Variants in CACNA1B observed in about 807,000 individuals in gnomAD.
CACNA1B encodes the protein voltage-dependent N-type calcium channel subunit alpha-1B.
Under a neutral mutation model 247.2 loss-of-function variants are expected in CACNA1B, and 70 were observed. That is an observed-to-expected ratio of 0.28 (90% CI 0.23 to 0.35). The LOEUF (loss-of-function observed/expected upper bound fraction) is 0.35. CACNA1B is among the 10% of genes least tolerant of loss of function. The pLI is 1.00. For synonymous variants in CACNA1B, 1,231 were observed against 1,294.4 expected, an observed-to-expected ratio of 0.95 and a Z score of 1.05; for missense variants, 2,367 against 3,197.4, an observed-to-expected ratio of 0.74 and a Z score of 6.26.
rs772640747 is a variant in CACNA1B at position 137,986,823 on chromosome 9, C to A, written c.1943C>A (p.Thr648Asn). 6 of 1,613,814 alleles carry A rather than the reference C, an allele frequency of 3.7e-6. No homozygotes were observed. Among genetic ancestry groups the A allele is most frequent in the Non-Finnish European group, 8.5e-7 (1 of 1,179,820 alleles). The part of the protein sequence containing the change: ...QDETPTTNFD[T>N]FPAAILTVFQ... ...GAGACTCCCACAACCAACTTCGACACCTTCCCTGCCGCCATCCTCACTGTC... is the reference window on the plus strand; with the variant it reads ...GAGACTCCCACAACCAACTTCGACAACTTCCCTGCCGCCATCCTCACTGTC... Residue 648 changes from threonine (T) to asparagine (N), a missense_variant, in exon 15 of 47, where the codon ACC becomes AAC. By Grantham distance (65) the Thr-to-Asn change is moderately conservative (BLOSUM62 0). This residue lies in a region of CACNA1B where 76 missense variants were observed against 191.0 expected (regional missense o/e 0.40). Coordinates refer to ENST00000371372, the MANE Select transcript of CACNA1B (RefSeq NM_000718.4). This position sits in a 1 kb window ranked among gnomAD's most constrained non-coding sequence, Gnocchi z 6.0.
At position 138,054,499 on chromosome 9, in the gene CACNA1B, G is replaced by A. The variant is rs1959420370; in HGVS notation, c.3968+493G>A. 6.6e-6 allele frequency among the ~76,000 whole-genome samples: 1 copy of A among 152,212 alleles called. No homozygotes were observed. Among genetic ancestry groups the A allele is most frequent in the Non-Finnish European group, 1.5e-5 (1 of 68,038 alleles). ...GGGAAAGCTGGTTAGCTGCCTGTGT[G>A]GACCCCGGGCAAGGCAGTACCCACA... On this transcript the variant is annotated intron_variant, in intron 26 of 46. Transcript: ENST00000371372. This position sits in a 1 kb window ranked among gnomAD's most constrained non-coding sequence, Gnocchi z 4.6.
chr9:138,117,416 A>G (rs1961911918), intron 42 of CACNA1B, among the ~76,000 whole-genome samples: 1 of 151,876 alleles, frequency 6.6e-6, no homozygotes, highest in African/African-American at 2.4e-5. Context: ...CCCCTCCATG[A>G]CAGCTTTGCC....
intron 21 of CACNA1B, among the ~76,000 whole-genome samples, chr9:138,044,288 C>A (rs1271299753): frequency 6.6e-6 from 1 of 152,256 alleles, no homozygotes; most frequent in Admixed American, 6.5e-5. Context: ...ATCCGTGTGT[C>A]CACGCCTGTG....
At chr9:137,924,339 T>C (rs1348475536) in intron 6 of CACNA1B, among the ~76,000 whole-genome samples, 2 of 146,266 alleles carry the variant, frequency 1.4e-5, no homozygotes, top group African/African-American at 5.0e-5. Context: ...CTCCCTTCCT[T>C]CCTCCTTCCC....
chr9:137,914,558 C>A lies in CACNA1B; in HGVS notation c.623-96C>A. 1 of 1,004,976 alleles carries A rather than the reference C, an allele frequency of 1.0e-6. No homozygotes were observed. Among genetic ancestry groups the A allele is most frequent in the Non-Finnish European group, 1.5e-6 (1 of 664,992 alleles). 62.3% of individuals were successfully genotyped at this position (1,004,976 alleles called of 1,614,324 possible). ...CACTCACTGCTTAGCACCTTGCTGT[C>A]CCTGCTAGGTTCCTGCTGTTCTGTC... On this transcript the variant is annotated intron_variant, in intron 4 of 46. Transcript: ENST00000371372. This position sits in a 1 kb window ranked among gnomAD's most constrained non-coding sequence, Gnocchi z 4.3.
At chr9:138,060,962 G>C (rs1417801524) in intron 31 of CACNA1B, among the ~76,000 whole-genome samples, 4 of 152,136 alleles carry the variant, frequency 2.6e-5, no homozygotes, top group Non-Finnish European at 5.9e-5. Flanking sequence ...GCCTTCTGCT[G>C]CACTGGTTGC....
intron 5 of CACNA1B, among the ~76,000 whole-genome samples, chr9:137,916,607 G>A (rs1249515729): frequency 6.6e-6 from 1 of 152,262 alleles, no homozygotes; most frequent in African/African-American, 2.4e-5. Context: ...CTGCCTGACA[G>A]GCACCAGACT....
rs1367275397 is a variant in CACNA1B at position 137,986,106 on chromosome 9, A to C, written c.1770-307A>C. On this transcript the variant is annotated intron_variant, in intron 13 of 46. Transcript: ENST00000371372. The surrounding 1 kb of genome is among the most constrained non-coding windows in gnomAD (Gnocchi z 6.0). ...AGGGGCAGGGAGGGGCCGAGGATGA[A>C]GTTTGGGATTGGGCCTGGCCACCTG... Among the ~76,000 whole-genome samples the C allele has an allele frequency of 6.6e-6, 1 of 151,982 alleles. No individual in the cohort carries two copies. The highest frequency in any genetic ancestry group is 1.5e-5 in the Non-Finnish European group (1 of 67,978).
rs1957869738 is a variant in CACNA1B at position 137,950,854 on chromosome 9, T to G, written c.967-1420T>G. Among the ~76,000 whole-genome samples, 2 of 152,242 alleles carry G rather than the reference T, an allele frequency of 1.3e-5. No homozygotes were observed. Among genetic ancestry groups the G allele is most frequent in the South Asian group, 4.1e-4 (2 of 4,832 alleles). ...TCTATATTTGCTTTATGAATAATTT[T>G]CAGTATGTTAATTCCACCTAGTGGG... On this transcript the variant is annotated intron_variant, in intron 6 of 46. Coordinates refer to ENST00000371372, the MANE Select transcript of CACNA1B (RefSeq NM_000718.4). This position sits in a 1 kb window ranked among gnomAD's most constrained non-coding sequence, Gnocchi z 4.8.
In CACNA1B at chr9:138,072,474, G is replaced by A. The variant is rs561373608; in HGVS notation, c.4675-1014G>A. Among the ~76,000 whole-genome samples the A allele has an allele frequency of 2.6e-5, 4 of 152,354 alleles. No homozygotes were observed. The highest frequency in any genetic ancestry group is 2.1e-4 in the South Asian group (1 of 4,828). On this transcript the variant is annotated intron_variant, in intron 32 of 46. Transcript: ENST00000371372. The surrounding 1 kb of genome is among the most constrained non-coding windows in gnomAD (Gnocchi z 4.5). ...TGCTGCTGTCTCATTTGACATCTGT[G>A]TTCTCTTTATTTGATGACTGAATCT...
chr9:138,014,520 T>C lies in CACNA1B; in HGVS notation c.2267+1285T>C, dbSNP rs768128300. Among the ~76,000 whole-genome samples the C allele has an allele frequency of 2.5e-4, 38 of 152,140 alleles. No homozygotes were observed. Among genetic ancestry groups the C allele is most frequent in the Non-Finnish European group, 5.3e-4 (36 of 68,020 alleles). On this transcript the variant is annotated intron_variant, in intron 18 of 46. Coordinates refer to ENST00000371372, the MANE Select transcript of CACNA1B (RefSeq NM_000718.4). This position sits in a 1 kb window ranked among gnomAD's most constrained non-coding sequence, Gnocchi z 6.2. ...GCTGGGGGCTCAGTCCTCAGTTGTT[T>C]AATTTCGATCTTTCATTGTCTTGGC... is the stretch of plus-strand genomic sequence containing the variant.
rs1254324957 is a variant in CACNA1B, at chr9:138,121,416, G to GC, written c.6490-52dup. The GC allele has an allele frequency of 6.3e-6, 6 of 957,100 alleles. No homozygotes were observed. Among genetic ancestry groups the GC allele is most frequent in the Non-Finnish European group, 7.5e-6 (5 of 662,932 alleles). 59.3% of individuals were successfully genotyped at this position (957,100 alleles called of 1,614,324 possible). On this transcript the variant is annotated intron_variant, in intron 46 of 46. Transcript: ENST00000371372. The surrounding 1 kb of genome is among the most constrained non-coding windows in gnomAD (Gnocchi z 6.8). ...GTGATGTGCTCTGTCTGTTGGTTCG[G>GC]CTTTTTTTTTTTTTTTTTTACCTCT... is the stretch of plus-strand genomic sequence containing the variant.
At chr9:137,884,763 G>A (rs1199844250) in intron 3 of CACNA1B, among the ~76,000 whole-genome samples, 1 of 151,982 alleles carries the variant, frequency 6.6e-6, no homozygotes, top group African/African-American at 2.4e-5. Context: ...TGAGTGTGTC[G>A]GCCCTTGAGG....
In CACNA1B at chr9:138,073,446, C is replaced by A. The variant is rs200292891; in HGVS notation, c.4675-42C>A. 1 of 1,291,426 alleles carries A rather than the reference C, an allele frequency of 7.7e-7. No homozygotes were observed. The highest frequency in any genetic ancestry group is 1.2e-5 in the South Asian group (1 of 83,958). 80.0% of individuals were successfully genotyped at this position (1,291,426 alleles called of 1,614,324 possible). On this transcript the variant is annotated intron_variant, in intron 32 of 46. Transcript: ENST00000371372. This position sits in a 1 kb window ranked among gnomAD's most constrained non-coding sequence, Gnocchi z 6.4. ...GGTGGCAGCAGCTTGCCTGCGCTTTCGGGGCTTCTGAAGGTCAGAGAACAA... is the reference window on the plus strand; with the variant it reads ...GGTGGCAGCAGCTTGCCTGCGCTTTAGGGGCTTCTGAAGGTCAGAGAACAA...
At chr9:138,112,139 C>T (rs553568444) in intron 39 of CACNA1B, among the ~76,000 whole-genome samples, 3 of 111,528 alleles carry the variant, frequency 2.7e-5, no homozygotes, top group East Asian at 4.0e-4. Flanking sequence ...GCACACACGT[C>T]GGACACACAC....
intron 3 of CACNA1B, among the ~76,000 whole-genome samples, chr9:137,911,130 G>C (rs970504223): frequency 6.6e-6 from 1 of 152,094 alleles, no homozygotes; most frequent in African/African-American, 2.4e-5. Flanking sequence ...TCCACTTAAT[G>C]GTCTTGGTAC....
chr9:138,052,044 C>A lies in CACNA1B; in HGVS notation c.3711-48C>A. On this transcript the variant is annotated intron_variant, in intron 24 of 46. Transcript: ENST00000371372. The surrounding 1 kb of genome is among the most constrained non-coding windows in gnomAD (Gnocchi z 5.1). ...CCTGGGGGGCCACGTGGGAGCTGGG[C>A]ACACCCATGCCTCCTGCCTGTCTGC... 8.9e-7 allele frequency: 1 copy of A among 1,118,164 alleles called. No homozygotes were observed. The highest frequency in any genetic ancestry group is 1.4e-6 in the Non-Finnish European group (1 of 738,912). 69.3% of individuals were successfully genotyped at this position (1,118,164 alleles called of 1,614,324 possible).
rs189007313 is a variant in CACNA1B, at chr9:138,020,545, C to T, written c.2268-2466C>T. 5.3e-5 allele frequency among the ~76,000 whole-genome samples: 8 copies of T among 152,288 alleles called. No homozygotes were observed. Among genetic ancestry groups the T allele is most frequent in the South Asian group, 4.1e-4 (2 of 4,824 alleles). On this transcript the variant is annotated intron_variant, in intron 18 of 46. Coordinates refer to ENST00000371372, the MANE Select transcript of CACNA1B (RefSeq NM_000718.4). This position sits in a 1 kb window ranked among gnomAD's most constrained non-coding sequence, Gnocchi z 4.1. ...GATTCAGAGACCTAGGGGATACCTC[C>T]AGAGAGGAACTTGGTGGTGCTGGCC...
At chr9:138,049,451 C>T (rs1685872637) in intron 24 of CACNA1B, 136 bp downstream of exon 24, 4 of 679,218 alleles carry the variant, frequency 5.9e-6, no homozygotes, top group South Asian at 3.3e-5. Context: ...CCATGTGGGA[C>T]TGTCCCTGCC....
Sources: allele counts gnomAD v4.1 joint callset (sites outside exome capture counted in the v4.1 genomes callset), GRCh38; gene constraint gnomAD v4.1.1; regional missense constraint gnomAD v4.1.1; non-coding constraint Gnocchi (gnomAD v3.1); transcripts MANE v1.5; gene names NCBI Gene and HGNC (gene_info 2026-07-23, HGNC 2026-07-21).